TASOR2: variants seen among roughly 807,000 people sequenced by gnomAD.
TASOR2 encodes the protein protein TASOR 2.
In TASOR2, 84 loss-of-function variants were observed where a neutral mutation model predicts 199.5. The observed-to-expected ratio is 0.42, with a 90% CI of 0.35 to 0.50. TASOR2 has a LOEUF of 0.50. Among genes scored for constraint, TASOR2 ranks in the 20% least tolerant of loss-of-function variants. The probability of loss-of-function intolerance (pLI) is 0.02; values close to 1 mark genes in which losing one functional copy is unlikely to be tolerated. For missense variants in TASOR2, 2,796 were observed against 2,835.9 expected (o/e 0.99, Z 0.32); for synonymous variants, 1,103 against 1,046.6 (o/e 1.05, Z -1.04).
At chr10:5,688,165 C>A (rs1835998693) in intron 1 of TASOR2, among the ~76,000 whole-genome samples, 1 of 152,116 alleles carries the variant, frequency 6.6e-6, no homozygotes, top group Non-Finnish European at 1.5e-5. Context: ...TTTTAATAAT[C>A]TTTTCAGATG....
At chr10:5,691,235 A>G (rs961473581) in intron 1 of TASOR2, among the ~76,000 whole-genome samples, 4 of 151,962 alleles carry the variant, frequency 2.6e-5, no homozygotes, top group African/African-American at 7.2e-5. Flanking sequence ...TATAAAAAGT[A>G]TGGTCTCTAA....
intron 1 of TASOR2, among the ~76,000 whole-genome samples, chr10:5,707,309 C>A (rs1292172640): frequency 6.6e-6 from 1 of 152,118 alleles, no homozygotes; most frequent in East Asian, 1.9e-4. Context: ...AAAGTTTAAA[C>A]AATAAGGAAC....
rs1836604708 is a variant in TASOR2, at chr10:5,742,656, C to T, written c.2757+130C>T. ...GTGAATTCTCAAGGTATGTAAAGAACTATTACACCAAAAACCTAGTTTTCA... is the reference window on the plus strand; with the variant it reads ...GTGAATTCTCAAGGTATGTAAAGAATTATTACACCAAAAACCTAGTTTTCA... On this transcript the variant is annotated intron_variant, in intron 14 of 20. Transcript: ENST00000328090. The surrounding 1 kb of genome is among the most constrained non-coding windows in gnomAD (Gnocchi z 4.2). 1 of 842,490 alleles carries T rather than the reference C, an allele frequency of 1.2e-6. No homozygotes were observed. The highest frequency in any genetic ancestry group is 1.8e-6 in the Non-Finnish European group (1 of 556,670). The allele number at this position is 842,490 out of a possible 1,614,324, so 52.2% of individuals were successfully genotyped here.
intron 1 of TASOR2, among the ~76,000 whole-genome samples, chr10:5,695,893 G>A (rs1564250791): frequency 6.6e-6 from 1 of 152,168 alleles, no homozygotes; most frequent in Non-Finnish European, 1.5e-5. Context: ...GACTTCTGAA[G>A]TCAAGAATTA....
Position 5,719,157 on chromosome 10 carries a change from T to G in TASOR2, c.-99-1387T>G, listed in dbSNP as rs1312602064. Among the ~76,000 whole-genome samples, 2 of 151,790 alleles carry G rather than the reference T, an allele frequency of 1.3e-5. No individual in the cohort carries two copies. Among genetic ancestry groups the G allele is most frequent in the African/African-American group, 4.9e-5 (2 of 41,182 alleles). On this transcript the variant is annotated intron_variant, in intron 3 of 20. Coordinates refer to ENST00000328090, the Ensembl canonical transcript of TASOR2. The surrounding 1 kb of genome is among the most constrained non-coding windows in gnomAD (Gnocchi z 4.1). ...ACTTAAACAACAACAAAACATCTTC[T>G]TTTTTAAAAAGTAACTATATTCTTC...
At chr10:5,695,843 A>C (rs1271410194) in intron 1 of TASOR2, among the ~76,000 whole-genome samples, 1 of 152,162 alleles carries the variant, frequency 6.6e-6, no homozygotes, top group Non-Finnish European at 1.5e-5. Context: ...CTTTCCACAG[A>C]ATCTGGAAAA....
At chr10:5,721,881 A>G (rs1026408785) in intron 6 of TASOR2, among the ~76,000 whole-genome samples, 1 of 152,234 alleles carries the variant, frequency 6.6e-6, no homozygotes, top group African/African-American at 2.4e-5. Context: ...TGATAGACCT[A>G]TCCTGATTCA....
At position 5,719,568 on chromosome 10, in the gene TASOR2, C is replaced by T. The variant is rs1234361137; in HGVS notation, c.-99-976C>T. Among the ~76,000 whole-genome samples the T allele has an allele frequency of 6.6e-6, 1 of 152,124 alleles. No individual in the cohort carries two copies. Among genetic ancestry groups the T allele is most frequent in the Non-Finnish European group, 1.5e-5 (1 of 68,022 alleles). ...CCATGTTGGCCAGGATGGTCTTGAT[C>T]TCTTGATCTCATGATCTGCCCGCCT... On this transcript the variant is annotated intron_variant, in intron 3 of 20. Transcript: ENST00000328090. This position sits in a 1 kb window ranked among gnomAD's most constrained non-coding sequence, Gnocchi z 4.1.
At chr10:5,756,547 T>C (rs969971561) in intron 15 of TASOR2, 66 bp from the exon 17 acceptor site, 3 of 1,524,044 alleles carry the variant, frequency 2.0e-6, no homozygotes, top group African/African-American at 2.8e-5. Flanking sequence ...ATTATTTTAA[T>C]AAACTATACA....
chr10:5,749,805 C>T (rs1402613605), exon 15 of TASOR2: 9 of 1,613,948 alleles, frequency 5.6e-6, no homozygotes, highest in Non-Finnish European at 6.8e-6. Context: ...GCAACCAATT[C>T]ATTTTCCAAG....
intron 18 of TASOR2, chr10:5,760,919 C>A (rs1328074396): frequency 6.4e-6 from 1 of 156,342 alleles, no homozygotes; most frequent in Non-Finnish European, 1.4e-5. Flanking sequence ...CTGGCTGCTA[C>A]CTAATTTTAA....
chr10:5,761,074 T>C, intron 18 of TASOR2: 1 of 499,942 alleles, frequency 2.0e-6, no homozygotes, highest in Non-Finnish European at 3.6e-6. Flanking sequence ...AGATGCATGA[T>C]GTCCCTCTTA....
intron 1 of TASOR2, among the ~76,000 whole-genome samples, chr10:5,700,047 C>G (rs1326487594): frequency 6.6e-6 from 1 of 152,088 alleles, no homozygotes; most frequent in Non-Finnish European, 1.5e-5. Context: ...TTCTATCAAA[C>G]CATATATTTA....
chr10:5,717,148 A>G (rs921384906), intron 2 of TASOR2, among the ~76,000 whole-genome samples: 10 of 152,024 alleles, frequency 6.6e-5, no homozygotes, highest in Non-Finnish European at 1.3e-4. Flanking sequence ...TTCCTGACAA[A>G]TACACATTCT....
At chr10:5,761,227 G>A (rs1170736646) in intron 18 of TASOR2, 63 bp from the exon 20 acceptor site, 3 of 1,418,042 alleles carry the variant, frequency 2.1e-6, no homozygotes, top group Non-Finnish European at 2.9e-6. Context: ...TAAACTGAAG[G>A]CAAGAAAAAG....
At position 5,710,807 on chromosome 10, in the gene TASOR2, T is replaced by C. The variant is rs1308609795; in HGVS notation, c.-287-2016T>C. On this transcript the variant is annotated intron_variant, in intron 1 of 20. Transcript: ENST00000328090. The surrounding 1 kb of genome is among the most constrained non-coding windows in gnomAD (Gnocchi z 4.6). ...TATAGGTAATTCAATTTTGAAACTT[T>C]CTTGCTTTTTTATAAATATCAAATA... 1.3e-5 allele frequency among the ~76,000 whole-genome samples: 2 copies of C among 152,148 alleles called. No individual in the cohort carries two copies. Among genetic ancestry groups the C allele is most frequent in the Non-Finnish European group, 2.9e-5 (2 of 67,964 alleles).
chr10:5,747,678 T>C, exon 15 of TASOR2: 1 of 1,614,194 alleles, frequency 6.2e-7, no homozygotes, highest in Non-Finnish European at 8.5e-7. Context: ...CATATCAGGC[T>C]GTGACTCCAT....
At chr10:5,747,810 G>T in exon 15 of TASOR2, 6 of 1,613,848 alleles carry the variant, frequency 3.7e-6, no homozygotes, top group Non-Finnish European at 5.1e-6. Flanking sequence ...ATCCAGTGGG[G>T]CAAGATAACT....
At position 5,737,147 on chromosome 10, in the gene TASOR2, A is replaced by T. The variant is rs1447659188; in HGVS notation, c.1447+1601A>T. Among the ~76,000 whole-genome samples, 1 of 151,730 alleles carries T rather than the reference A, an allele frequency of 6.6e-6. No homozygotes were observed. The highest frequency in any genetic ancestry group is 1.5e-5 in the Non-Finnish European group (1 of 67,936). ...GCTAATTTTTGTATTTTTAGTAGAG[A>T]TGGGGTTTAACCATTTTGGCCAGGA... is the stretch of plus-strand genomic sequence containing the variant. On this transcript the variant is annotated intron_variant, in intron 12 of 20. Coordinates refer to ENST00000328090, the Ensembl canonical transcript of TASOR2. This position sits in a 1 kb window ranked among gnomAD's most constrained non-coding sequence, Gnocchi z 4.9.
Sources: allele counts gnomAD v4.1 joint callset (sites outside exome capture counted in the v4.1 genomes callset), GRCh38; gene constraint gnomAD v4.1.1; non-coding constraint Gnocchi (gnomAD v3.1); transcripts MANE v1.5; gene names NCBI Gene and HGNC (gene_info 2026-07-23, HGNC 2026-07-21).